Variants in ADAR observed in about 807,000 individuals in gnomAD.
The protein encoded by ADAR is adenosine deaminase RNA specific.
A neutral mutation model predicts 113.2 loss-of-function variants in ADAR; 41 were observed. That is an observed-to-expected ratio of 0.36 (90% CI 0.28 to 0.47). ADAR has a LOEUF of 0.47. Among genes scored for constraint, ADAR ranks in the 20% least tolerant of loss-of-function variants. ADAR has a pLI of 1.00. For missense variants in ADAR, 1,242 were observed against 1,540.9 expected (o/e 0.81, Z 3.25); for synonymous variants, 605 against 572.6 (o/e 1.06, Z -0.81).
At chr1:154,610,998 G>A (rs1050932525), upstream of ADAR, among the ~76,000 whole-genome samples, 7 of 151,970 alleles carry the variant, frequency 4.6e-5, no homozygotes, top group Non-Finnish European at 8.8e-5. Flanking sequence ...TTTTATTCAT[G>A]TTTCTGTATA....
chr1:154,625,736 G>A lies in ADAR; in HGVS notation c.-871+2119C>T, dbSNP rs1698914873. Among the ~76,000 whole-genome samples the A allele has an allele frequency of 2.6e-5, 4 of 152,054 alleles. No homozygotes were observed. The South Asian group carries it at 8.3e-4, about 31-fold the overall frequency. On this transcript the variant is annotated intron_variant, in intron 1 of 14. Coordinates refer to the ADAR transcript ENST00000368471. ...TAGCCGGGCATAGGCCAGGCACGGT[G>A]GCTCATACCTGTAATCCCAGCAGTT...
intron 1 of ADAR, among the ~76,000 whole-genome samples, chr1:154,619,455 T>C (rs1008555376): frequency 2.6e-5 from 4 of 152,190 alleles, no homozygotes; most frequent in South Asian, 2.1e-4. Context: ...GTTCTGTCTG[T>C]ACGAACCAAC....
In ADAR at chr1:154,601,509, G is replaced by C. The variant is rs1222417490; in HGVS notation, c.1133C>G (p.Ala378Gly). The C allele has an allele frequency of 6.2e-7, 1 of 1,613,966 alleles. No individual in the cohort carries two copies. ...GTTTCTTTTGGTCTCAGGGATTGCA[G>C]CTGGAGCGGTTTCAGGAACACTGTT... The part of the protein sequence containing the change: ...NTNSVPETAP[A>G]AIPETKRNAE... Residue 378 changes from alanine (A) to glycine (G), a missense_variant, in exon 2 of 15, where the codon GCT (alanine) becomes GGT (glycine). Physicochemically the swap from Ala to Gly is moderately conservative, Grantham distance 60. Around this residue, in one of 2 missense-constraint regions of ADAR, gnomAD observed 462 missense variants for 483.1 expected, o/e 0.96. Coordinates refer to ENST00000368474, the MANE Select transcript of ADAR (RefSeq NM_001111.5). This position sits in a 1 kb window ranked among gnomAD's most constrained non-coding sequence, Gnocchi z 4.7.
At chr1:154,603,782 GACA>G (rs1467352281) in intron 1 of ADAR, among the ~76,000 whole-genome samples, 5 of 152,238 alleles carry the variant, frequency 3.3e-5, no homozygotes, top group East Asian at 1.9e-4. Flanking sequence ...GAGGGATTCT[GACA>G]ACATTTACTC....
At chr1:154,594,019 A>C (rs553719565) in intron 6 of ADAR, among the ~76,000 whole-genome samples, 1 of 152,232 alleles carries the variant, frequency 6.6e-6, no homozygotes, top group South Asian at 2.1e-4. Context: ...AGTAGCTGGC[A>C]TACAGGGGCA....
In ADAR at chr1:154,602,286, G is replaced by A; in HGVS notation, c.356C>T (p.Pro119Leu). The change falls in exon 2 of 15, where the codon CCA becomes CTA. Residue 119 changes from proline to leucine, a missense_variant. Pro to Leu is a moderately conservative substitution (Grantham distance 98). Transcript: ENST00000368474. The stretch of plus-strand genomic sequence containing the variant: ...GGAAAGGCAATCAACACCTCTCTGT[G>A]GCAGACTCCTGCCACGTGGTGAAGG... Reference protein sequence around the residue: ...QHPSPRGRSLPQRGVDCLSSH... With the variant: ...QHPSPRGRSLLQRGVDCLSSH... 1 of 1,614,154 alleles carries A rather than the reference G, an allele frequency of 6.2e-7. No homozygotes were observed. Among genetic ancestry groups the A allele is most frequent in the Non-Finnish European group, 8.5e-7 (1 of 1,180,024 alleles).
chr1:154,590,325 T>G lies in ADAR; in HGVS notation c.2355A>C (p.Ala785=). ...CAATCAAGACACGGAGAGCCGCATC[T>G]GCTGCTTCCTGCTTGCCTTGCTTCT... The part of the protein sequence containing the change: ...HSKKQGKQEA[A]DAALRVLIGE... The change falls in exon 7 of 15, where the codon GCA becomes GCC. Residue 785 remains alanine (A), a synonymous_variant. Transcript: ENST00000368474. 6.2e-7 allele frequency: 1 copy of G among 1,614,194 alleles called. No individual in the cohort carries two copies. Among genetic ancestry groups the G allele is most frequent in the Non-Finnish European group, 8.5e-7 (1 of 1,180,044 alleles).
intron 7 of ADAR, 43 bp downstream of exon 7, chr1:154,590,141 A>AGCCC (rs1697035639): frequency 7.9e-6 from 6 of 762,090 alleles, no homozygotes; most frequent in East Asian, 3.0e-5. Flanking sequence ...AGTTAGGAGG[A>AGCCC]CCCCCCCGCC....
At chr1:154,626,927 T>A (rs752386000) in intron 1 of ADAR, among the ~76,000 whole-genome samples, 1 of 152,220 alleles carries the variant, frequency 6.6e-6, no homozygotes. Flanking sequence ...GAGAAAGAAG[T>A]TGGCATCACA....
chr1:154,627,301 A>AC (rs768051834), intron 1 of ADAR, among the ~76,000 whole-genome samples: 39 of 152,270 alleles, frequency 2.6e-4, no homozygotes, highest in Non-Finnish European at 4.0e-4. Context: ...GGCGGCCGTG[A>AC]CCCCGCAGTG....
At chr1:154,612,076 C>T (rs745854097), upstream of ADAR, among the ~76,000 whole-genome samples, 15 of 152,160 alleles carry the variant, frequency 9.9e-5, no homozygotes, top group Non-Finnish European at 1.6e-4. Context: ...AACCTTACTG[C>T]GTGCAGGGAT....
Position 154,602,538 on chromosome 1 carries a change from G to A in ADAR, c.104C>T (p.Ser35Phe), listed in dbSNP as rs759173512. The A allele has an allele frequency of 1.9e-6, 3 of 1,614,232 alleles. No homozygotes were observed. Among genetic ancestry groups the A allele is most frequent in the Non-Finnish European group, 2.5e-6 (3 of 1,180,028 alleles). The change falls in exon 2 of 15, where the codon TCC becomes TTC. Residue 35 changes from serine to phenylalanine, a missense_variant. This residue lies in a region of ADAR where 462 missense variants were observed against 483.1 expected (regional missense o/e 0.96). Transcript: ENST00000368474. Reference sequence around the variant, plus strand: ...TTGCTTAAGCAGGAAACTACTGGGGGAAGATCCTGGCCCAGGCTGCTGGTA... The same window carrying A: ...TTGCTTAAGCAGGAAACTACTGGGGAAAGATCCTGGCCCAGGCTGCTGGTA... ...LRYQQPGPGS[S>F]PSSFLLKQIE...
intron 2 of ADAR, chr1:154,600,145 T>C (rs77839150): frequency 0.014 from 2,181 of 152,540 alleles, 50 homozygotes; most frequent in African/African-American, 0.05. Context: ...TGCATGGAGA[T>C]CAATCATGTT....
chr1:154,597,779 TTTTC>T (rs1557880580), intron 4 of ADAR, 45 bp downstream of exon 4: 8 of 1,612,514 alleles, frequency 5.0e-6, no homozygotes, highest in Middle Eastern at 1.8e-4. Flanking sequence ...ATGTGTCTCT[TTTTC>T]TTTCTGAGAA....
chr1:154,597,279 T>G lies in ADAR; in HGVS notation c.1935-12A>C. On this transcript the variant is annotated splice_polypyrimidine_tract_variant and intron_variant, in intron 4 of 14. Transcript: ENST00000368474. ...CACAGTATTGGAACCTGACAGGAGA[T>G]GAAGCACGTAGAAGGATTAAAATGG... The G allele has an allele frequency of 6.2e-7, 1 of 1,614,130 alleles. No individual in the cohort carries two copies. Among genetic ancestry groups the G allele is most frequent in the Non-Finnish European group, 8.5e-7 (1 of 1,180,028 alleles).
intron 7 of ADAR, 37 bp downstream of exon 7, chr1:154,590,147 C>T (rs767944266): frequency 9.2e-7 from 1 of 1,089,284 alleles, no homozygotes; most frequent in Non-Finnish European, 1.4e-6. Context: ...GAGGACCCCC[C>T]CGCCCCAAAA....
chr1:154,596,850 G>T lies in ADAR; in HGVS notation c.2225C>A (p.Ala742Asp), dbSNP rs1265013310. 6.2e-7 allele frequency: 1 copy of T among 1,614,046 alleles called. No individual in the cohort carries two copies. Among genetic ancestry groups the T allele is most frequent in the Non-Finnish European group, 8.5e-7 (1 of 1,180,034 alleles). The change falls in exon 6 of 15, where the codon GCT becomes GAT. Residue 742 changes from alanine to aspartate, a missense_variant. Physicochemically the swap from Ala to Asp is moderately radical, Grantham distance 126 (BLOSUM62 -2). This residue lies in a region of ADAR where 780 missense variants were observed against 1,057.9 expected (regional missense o/e 0.74). Transcript: ENST00000368474. ...GGACTGGTCGACCAACTTGAATTCA[G>T]CAGCAAAGCCATGGGAGCGGGCGTA... Reference protein sequence around the residue: ...LEYARSHGFAAEFKLVDQSGP... With the variant: ...LEYARSHGFADEFKLVDQSGP...
At chr1:154,604,008 T>C (rs1429405217) in intron 1 of ADAR, among the ~76,000 whole-genome samples, 1 of 152,182 alleles carries the variant, frequency 6.6e-6, no homozygotes, top group Non-Finnish European at 1.5e-5. Context: ...TTGGCTTGTC[T>C]AGCTACTCCT....
At chr1:154,605,883 G>T in intron 1 of ADAR, 1 of 703,480 alleles carries the variant, frequency 1.4e-6, no homozygotes, top group Non-Finnish European at 1.7e-6. Flanking sequence ...AGTGGCTAGA[G>T]TCAGTTAAAA....
Sources: gnomAD v4.1 joint callset for allele counts (sites outside exome capture counted in the v4.1 genomes callset) on GRCh38, gnomAD v4.1.1 for gene constraint, gnomAD v4.1.1 regional missense constraint, Gnocchi (gnomAD v3.1) non-coding constraint, MANE v1.5 for transcripts, NCBI Gene and HGNC (gene_info 2026-07-23, HGNC 2026-07-21) for gene names.